Variants in CHEK1 observed in about 807,000 individuals in gnomAD.
CHEK1 encodes serine/threonine-protein kinase Chk1.
CHEK1 carries 32 observed loss-of-function variants against 60.2 expected under a neutral mutation model. The ratio of observed to expected loss-of-function variants is 0.53; its 90% confidence interval spans 0.40 to 0.71. The LOEUF is 0.71. Among genes scored for constraint, CHEK1 ranks in the 30% least tolerant of loss-of-function variants. CHEK1 has a pLI of 0.00. For synonymous variants in CHEK1, 179 were observed against 187.2 expected (o/e 0.96, Z 0.36); for missense variants, 399 against 564.6 (o/e 0.71, Z 2.97).
intron 13 of CHEK1, among the ~76,000 whole-genome samples, chr11:125,668,171 A>C (rs1472421088): frequency 6.6e-6 from 1 of 152,186 alleles, no homozygotes; most frequent in Non-Finnish European, 1.5e-5. Flanking sequence ...CAGTCCTAAC[A>C]ATGTCTTTTG....
intron 13 of CHEK1, among the ~76,000 whole-genome samples, chr11:125,670,098 A>G (rs1208041275): frequency 1.3e-5 from 2 of 152,200 alleles, no homozygotes; most frequent in Admixed American, 6.5e-5. Context: ...GTGACTAAAC[A>G]TGGTCTCCAA....
At chr11:125,671,786 C>A (rs913208286) in intron 13 of CHEK1, 2 of 152,124 alleles carry the variant, frequency 1.3e-5, no homozygotes, top group African/African-American at 4.8e-5. Flanking sequence ...AAGGATGATG[C>A]CATCTTTCCT....
At chr11:125,646,213 T>G (rs572013662) in intron 11 of CHEK1, among the ~76,000 whole-genome samples, 2 of 152,310 alleles carry the variant, frequency 1.3e-5, no homozygotes, top group East Asian at 3.9e-4. Context: ...TTTGGACATT[T>G]TATATAAATG....
chr11:125,679,216 C>CTTTTTTTTTTTTTTTTTTTTTTTT (rs71045115), downstream of CHEK1, among the ~76,000 whole-genome samples: 70 of 121,020 alleles, frequency 5.8e-4, 3 homozygotes, highest in African/African-American at 2.0e-3. Flanking sequence ...CCGTCTCTTT[C>CTTTTTTTTTTTTTTTTTTTTTTTT]TTTTTTTTTT....
chr11:125,676,417 T>A (rs146788868), downstream of CHEK1: 187 of 1,614,134 alleles, frequency 1.2e-4, no homozygotes, highest in African/African-American at 2.3e-3. Context: ...AGGTTCCCTC[T>A]CCACGAAGAC....
rs771939046 is a variant in CHEK1, at chr11:125,627,671, C to T, written c.130C>T (p.Arg44Cys). Residue 44 changes from arginine to cysteine, a missense_variant, in exon 3 of 13, where the codon CGT (arginine) becomes TGT (cysteine). Coordinates refer to ENST00000438015, the MANE Select transcript of CHEK1 (RefSeq NM_001114122.3). ...AVAVKIVDMK[R>C]AVDCPENIKK... The stretch of plus-strand genomic sequence containing the variant: ...CGCAGTGAAGATTGTAGATATGAAG[C>T]GTGCCGTAGACTGTCCAGAAAATAT... The T allele has an allele frequency of 1.9e-6, 3 of 1,613,810 alleles. No individual in the cohort carries two copies. Among genetic ancestry groups the T allele is most frequent in the East Asian group, 2.2e-5 (1 of 44,832 alleles).
chr11:125,665,636 A>G (rs950739422), intron 13 of CHEK1, among the ~76,000 whole-genome samples: 1 of 151,850 alleles, frequency 6.6e-6, no homozygotes, highest in Non-Finnish European at 1.5e-5. Flanking sequence ...AAGACTTTTT[A>G]TTACTGCTTT....
intron 6 of CHEK1, among the ~76,000 whole-genome samples, chr11:125,634,542 C>T (rs953858700): frequency 2.6e-5 from 4 of 151,948 alleles, no homozygotes; most frequent in Non-Finnish European, 5.9e-5. Context: ...GTAGGCTGGT[C>T]TTAAACTCCT....
At chr11:125,657,808 T>G (rs1290126214), downstream of CHEK1, among the ~76,000 whole-genome samples, 1 of 152,218 alleles carries the variant, frequency 6.6e-6, no homozygotes. Context: ...CATGTTCATT[T>G]GTTTTGCTAG....
At chr11:125,671,915 G>C (rs1486787673) in intron 13 of CHEK1, 4 of 152,118 alleles carry the variant, frequency 2.6e-5, no homozygotes, top group African/African-American at 9.7e-5. Flanking sequence ...CTCCTATCCT[G>C]TATAGATGAT....
In CHEK1 at chr11:125,625,425, C is replaced by T. The variant is rs1238735562; in HGVS notation, c.-608C>T. 6.7e-6 allele frequency: 2 copies of T among 297,614 alleles called. No individual in the cohort carries two copies. The highest frequency in any genetic ancestry group is 6.3e-6 in the Non-Finnish European group (1 of 158,958). 18.4% of individuals were successfully genotyped at this position (297,614 alleles called of 1,614,324 possible). A position where few individuals can be genotyped will look rare whatever the true frequency, so the allele number is the denominator to read the frequency against. ...GCCTCTCGCTCCCAACACGGAGTTC[C>T]TCCCATTTCTTCACAGTCGGCTCTC... On this transcript the variant is annotated 5_prime_UTR_variant, in exon 1 of 13. Transcript: ENST00000438015.
intron 11 of CHEK1, 142 bp downstream of exon 11, chr11:125,644,785 G>A (rs1941439088): frequency 7.9e-6 from 7 of 891,626 alleles, no homozygotes; most frequent in Non-Finnish European, 1.1e-5. Context: ...GGGGTGGGCG[G>A]ATCACCTGAG....
intron 11 of CHEK1, among the ~76,000 whole-genome samples, chr11:125,650,463 T>TTG (rs1294352004): frequency 6.7e-6 from 1 of 150,328 alleles, no homozygotes; most frequent in Admixed American, 6.6e-5. Flanking sequence ...TGTTTGTTTT[T>TTG]TTTTTTTTTT....
chr11:125,626,892 C>A (rs1940637566), intron 2 of CHEK1, 59 bp downstream of exon 2: 3 of 1,537,068 alleles, frequency 2.0e-6, no homozygotes, highest in Non-Finnish European at 2.7e-6. Context: ...TTTGGAGTCT[C>A]ACACTCTGGT....
At chr11:125,674,739 C>T (rs1429609924) in intron 13 of CHEK1, among the ~76,000 whole-genome samples, 2 of 152,156 alleles carry the variant, frequency 1.3e-5, no homozygotes, top group Admixed American at 6.5e-5. Flanking sequence ...CAAGCTCCTA[C>T]TTTGTGAGGA....
At chr11:125,641,185 C>A (rs1400819000) in intron 8 of CHEK1, among the ~76,000 whole-genome samples, 1 of 152,174 alleles carries the variant, frequency 6.6e-6, no homozygotes, top group Non-Finnish European at 1.5e-5. Context: ...GTAGTCAGTT[C>A]TCAGACCTCT....
At chr11:125,647,341 C>CA (rs1565377560) in intron 11 of CHEK1, among the ~76,000 whole-genome samples, 3 of 146,250 alleles carry the variant, frequency 2.1e-5, no homozygotes, top group Non-Finnish European at 4.5e-5. Context: ...TTTTTTTTTC[C>CA]TTTTTTTTTT....
intron 6 of CHEK1, among the ~76,000 whole-genome samples, chr11:125,633,566 C>T (rs1278177898): frequency 6.6e-6 from 1 of 152,114 alleles, no homozygotes; most frequent in African/African-American, 2.4e-5. Context: ...TCTGGCCTCA[C>T]TCTTCCAAGT....
chr11:125,646,475 T>G (rs1410001502), intron 11 of CHEK1, among the ~76,000 whole-genome samples: 1 of 152,184 alleles, frequency 6.6e-6, no homozygotes, highest in Non-Finnish European at 1.5e-5. Flanking sequence ...TTTCAATTTC[T>G]TAGATATATA....
Sources: gnomAD v4.1 joint callset for allele counts (sites outside exome capture counted in the v4.1 genomes callset) on GRCh38, gnomAD v4.1.1 for gene constraint, MANE v1.5 for transcripts, NCBI Gene and HGNC (gene_info 2026-07-23, HGNC 2026-07-21) for gene names.